UQCRC2: variants seen among roughly 807,000 people sequenced by gnomAD.
UQCRC2 encodes cytochrome b-c1 complex subunit 2, mitochondrial.
In UQCRC2, 49 loss-of-function variants were observed where a neutral mutation model predicts 55.6. The observed-to-expected ratio is 0.88, with a 90% confidence interval of 0.70 to 1.12. UQCRC2 has a LOEUF of 1.12. UQCRC2 is among the 50% of genes most tolerant of loss of function. The pLI is 0.00. For synonymous variants in UQCRC2, 193 were observed against 192.0 expected (o/e 1.01, Z -0.04); for missense variants, 506 against 547.8 (o/e 0.92, Z 0.76).
rs1173677800 is a variant in UQCRC2, at chr16:21,957,232, T to C, written c.34-3T>C. ...ACGTGTAACCTGTGTTTTTTATGTT[T>C]AGAGATTTTATTCCCTCAAAGTTGC... On this transcript the variant is annotated splice_region_variant and splice_polypyrimidine_tract_variant and intron_variant, in intron 1 of 13. Transcript: ENST00000268379. 2 of 1,613,484 alleles carry C rather than the reference T, an allele frequency of 1.2e-6. No individual in the cohort carries two copies. Among genetic ancestry groups the C allele is most frequent in the Non-Finnish European group, 1.7e-6 (2 of 1,179,786 alleles).
chr16:21,981,275 T>C (rs1319969718), intron 13 of UQCRC2, among the ~76,000 whole-genome samples: 1 of 152,190 alleles, frequency 6.6e-6, no homozygotes, highest in East Asian at 1.9e-4. Context: ...GCAAGGACTA[T>C]GTCATGTACT....
At chr16:21,961,738 G>A (rs1898211539) in intron 4 of UQCRC2, among the ~76,000 whole-genome samples, 3 of 143,516 alleles carry the variant, frequency 2.1e-5, no homozygotes, top group South Asian at 2.2e-4. Flanking sequence ...TGTAACCTCC[G>A]CCTCTTGGGT....
chr16:21,981,213 AT>A (rs940077117), intron 13 of UQCRC2, among the ~76,000 whole-genome samples: 3 of 151,238 alleles, frequency 2.0e-5, no homozygotes, highest in Non-Finnish European at 4.4e-5. Context: ...GTTCTTGCTA[AT>A]TTTTTTTTCA....
chr16:21,968,462 A>G, intron 7 of UQCRC2, 166 bp from the exon 8 acceptor site: 1 of 482,286 alleles, frequency 2.1e-6, no homozygotes, highest in South Asian at 4.4e-5. Context: ...AATAGTTTTT[A>G]TAATAAAATC....
At chr16:21,961,669 T>TATATATGTATA (rs1208690779) in intron 4 of UQCRC2, among the ~76,000 whole-genome samples, 1 of 128,960 alleles carries the variant, frequency 7.8e-6, no homozygotes, top group Non-Finnish European at 1.7e-5. Context: ...TATATATATA[T>TATATATGTATA]TTTAGACAGT....
chr16:21,972,495 C>A (rs949327151), intron 10 of UQCRC2, among the ~76,000 whole-genome samples: 2 of 152,142 alleles, frequency 1.3e-5, no homozygotes, highest in Admixed American at 1.3e-4. Flanking sequence ...CTGAATCTCA[C>A]TATTTGTTTT....
At chr16:21,973,747 C>G in intron 10 of UQCRC2, 149 bp from the exon 11 acceptor site, 1 of 670,186 alleles carries the variant, frequency 1.5e-6, no homozygotes, top group East Asian at 2.8e-5. Context: ...TTACAGAATA[C>G]TTCAGTTCGT....
chr16:21,963,050 A>T, intron 6 of UQCRC2, 165 bp downstream of exon 6: 2 of 890,292 alleles, frequency 2.2e-6, no homozygotes, highest in Non-Finnish European at 3.1e-6. Context: ...GTGCAGTGGC[A>T]CGATCTTGGC....
chr16:21,963,466 G>A, intron 6 of UQCRC2, among the ~76,000 whole-genome samples: 1 of 151,038 alleles, frequency 6.6e-6, no homozygotes, highest in Non-Finnish European at 1.5e-5. Flanking sequence ...TTTTGTTTTT[G>A]TTTGTTTGTT....
chr16:21,961,437 G>C (rs1219172948), intron 4 of UQCRC2: 1 of 270,822 alleles, frequency 3.7e-6, no homozygotes, highest in Non-Finnish European at 7.8e-6. Context: ...AATAGAGTGT[G>C]AACAAGCAAG....
At chr16:21,962,391 TAGA>T in intron 4 of UQCRC2, 66 bp from the exon 5 acceptor site, 1 of 1,569,010 alleles carries the variant, frequency 6.4e-7, no homozygotes, top group Non-Finnish European at 8.8e-7. Flanking sequence ...AATTGGTTGA[TAGA>T]AGATTATAAG....
intron 7 of UQCRC2, 178 bp from the exon 8 acceptor site, chr16:21,968,450 G>A: frequency 2.2e-6 from 1 of 463,518 alleles, no homozygotes; most frequent in South Asian, 4.5e-5. Flanking sequence ...GTTCTTTTAA[G>A]CAATAGTTTT....
chr16:21,964,760 T>C (rs1393296844), intron 6 of UQCRC2, among the ~76,000 whole-genome samples: 1 of 152,230 alleles, frequency 6.6e-6, no homozygotes, highest in Non-Finnish European at 1.5e-5. Flanking sequence ...TAATACTTTA[T>C]TTCACAGTTT....
chr16:21,954,074 C>T (rs1898054287), intron 1 of UQCRC2, among the ~76,000 whole-genome samples: 1 of 152,082 alleles, frequency 6.6e-6, no homozygotes, highest in Non-Finnish European at 1.5e-5. Flanking sequence ...ATAGCTGTCA[C>T]TTGGGGAAAA....
chr16:21,983,201 G>A lies in UQCRC2; in HGVS notation c.*30G>A. On this transcript the variant is annotated 3_prime_UTR_variant, in exon 14 of 14. Transcript: ENST00000268379. ...GATGCACACATTACAGGAGAGAGCT[G>A]AACGTTCTCTCAGCCCAGAGCAGCA... 1 of 1,581,888 alleles carries A rather than the reference G, an allele frequency of 6.3e-7. No homozygotes were observed. Among genetic ancestry groups the A allele is most frequent in the Non-Finnish European group, 8.7e-7 (1 of 1,153,070 alleles).
In UQCRC2 at chr16:21,971,931, C is replaced by T. The variant is rs1431601707; in HGVS notation, c.775C>T (p.Arg259Ter). Residue 259 changes from arginine to a stop codon, truncating the protein, a stop_gained, in exon 10 of 14, where the codon CGA (arginine) becomes TGA (stop). Transcript: ENST00000268379. LOFTEE classifies it high-confidence loss of function. Reference protein sequence around the residue: ...AKANYRGGEIREQNGDSLVHA... With the variant: ...AKANYRGGEI ...CCTTAATCTGGCCCCAGGTGAAATC[C>T]GAGAACAGAATGGAGACAGTCTTGT... 7 of 1,613,928 alleles carry T rather than the reference C, an allele frequency of 4.3e-6. No homozygotes were observed. The highest frequency in any genetic ancestry group is 1.3e-5 in the African/African-American group (1 of 75,024).
Position 21,965,453 on chromosome 16 carries a change from CTAATCCCTTGT to C in UQCRC2, c.561_571del (p.Asn188LeufsTer3). On this transcript the variant is annotated frameshift_variant, in exon 7 of 14. Transcript: ENST00000268379. LOFTEE classifies it high-confidence loss of function. The stretch of plus-strand genomic sequence containing the variant: ...GCAGCAGCTTACCGGAATGCCTTGG[CTAATCCCTTGT>C]ATTGTCCTGACTATAGGATTGGAAA... The C allele has an allele frequency of 6.2e-7, 1 of 1,613,952 alleles. No individual in the cohort carries two copies. The highest frequency in any genetic ancestry group is 8.5e-7 in the Non-Finnish European group (1 of 1,179,934).
chr16:21,959,662 A>G (rs1898155875), intron 4 of UQCRC2: 1 of 152,270 alleles, frequency 6.6e-6, no homozygotes, highest in Non-Finnish European at 1.5e-5. Context: ...TCTTTCCAGA[A>G]AGTTTTTTAA....
rs997353807 is a variant in UQCRC2, at chr16:21,983,185, A to G, written c.*14A>G. On this transcript the variant is annotated 3_prime_UTR_variant, in exon 14 of 14. Coordinates refer to ENST00000268379, the MANE Select transcript of UQCRC2 (RefSeq NM_003366.4). Reference sequence around the variant, plus strand: ...GATGAGTTGTAATACTGATGCACACATTACAGGAGAGAGCTGAACGTTCTC... The same window carrying G: ...GATGAGTTGTAATACTGATGCACACGTTACAGGAGAGAGCTGAACGTTCTC... 2.5e-6 allele frequency: 4 copies of G among 1,610,538 alleles called. No individual in the cohort carries two copies. Among genetic ancestry groups the G allele is most frequent in the Non-Finnish European group, 3.4e-6 (4 of 1,177,412 alleles).
Sources: allele counts gnomAD v4.1 joint callset (sites outside exome capture counted in the v4.1 genomes callset), GRCh38; gene constraint gnomAD v4.1.1; transcripts MANE v1.5; gene names NCBI Gene and HGNC (gene_info 2026-07-23, HGNC 2026-07-21).